Variants in EYS observed in about 807,000 individuals in gnomAD.
The protein encoded by EYS is protein eyes shut homolog.
In EYS, 250 loss-of-function variants were observed where a neutral mutation model predicts 282.1. That is an observed-to-expected ratio of 0.89 (90% confidence interval 0.80 to 0.98). The LOEUF (loss-of-function observed/expected upper bound fraction) is 0.98, where lower values mean the gene tolerates loss of function less well. Ranked by LOEUF, EYS falls within the 50% of genes least tolerant of loss-of-function variation. The pLI is 0.00. For missense variants in EYS, 4,016 were observed against 3,709.0 expected, an observed-to-expected ratio of 1.08 and a Z score of -2.15; for synonymous variants, 1,355 against 1,282.9, an observed-to-expected ratio of 1.06 and a Z score of -1.20.
chr6:64,450,295 C>G (rs1002632998), intron 26 of EYS, among the ~76,000 whole-genome samples: 1 of 152,120 alleles, frequency 6.6e-6, no homozygotes, highest in African/African-American at 2.4e-5. Flanking sequence ...ATCAATTCAA[C>G]AAGAAGAACT....
chr6:63,871,976 A>G (rs565505999), intron 35 of EYS, among the ~76,000 whole-genome samples: 1 of 152,106 alleles, frequency 6.6e-6, no homozygotes, highest in African/African-American at 2.4e-5. Context: ...GACCCACCCA[A>G]CTTTCCAGCT....
intron 26 of EYS, among the ~76,000 whole-genome samples, chr6:64,553,840 G>A (rs140209850): frequency 2.6e-5 from 4 of 151,958 alleles, no homozygotes; most frequent in African/African-American, 7.2e-5. Context: ...TGGCAAAATA[G>A]TATCATTTTC....
chr6:64,945,124 T>TAA lies in EYS; in HGVS notation c.2381+667_2381+668dup, dbSNP rs763133866. Reference sequence around the variant, plus strand: ...CCTGGGCCCACTGTTGTTTCTCTATTAAAAAAAAAAAAAAAAAAAAAGAAT... The same window carrying TAA: ...CCTGGGCCCACTGTTGTTTCTCTATTAAAAAAAAAAAAAAAAAAAAAAAGAAT... On this transcript the variant is annotated intron_variant, in intron 15 of 42. Transcript: ENST00000503581. Among the ~76,000 whole-genome samples the TAA allele has an allele frequency of 8.6e-4, 97 of 112,284 alleles. 1 individual carries two copies. In the East Asian group the frequency reaches 0.021, roughly 24 times the overall value. 73.7% of individuals were successfully genotyped at this position (112,284 alleles called of 152,430 possible).
At chr6:64,481,197 A>T (rs1638936586) in intron 26 of EYS, among the ~76,000 whole-genome samples, 1 of 149,876 alleles carries the variant, frequency 6.7e-6, no homozygotes, top group Non-Finnish European at 1.5e-5. Flanking sequence ...AAAAAATCAT[A>T]TATATGATAT....
At chr6:65,567,856 T>C (rs1764331085) in intron 2 of EYS, among the ~76,000 whole-genome samples, 1 of 152,262 alleles carries the variant, frequency 6.6e-6, no homozygotes, top group East Asian at 1.9e-4. Flanking sequence ...ACTGAACTCA[T>C]AATTGCCTAA....
chr6:65,329,892 T>C (rs748511619), intron 11 of EYS: 3 of 980,516 alleles, frequency 3.1e-6, no homozygotes, highest in Non-Finnish European at 3.6e-6. Context: ...TTATGGACTT[T>C]TAGATTCTAC....
intron 26 of EYS, among the ~76,000 whole-genome samples, chr6:64,448,235 A>G (rs1280677398): frequency 6.6e-6 from 1 of 152,216 alleles, no homozygotes; most frequent in Non-Finnish European, 1.5e-5. Flanking sequence ...TGAAGGTCCT[A>G]TGCCCACGGA....
intron 12 of EYS, among the ~76,000 whole-genome samples, chr6:65,141,765 C>CA (rs112118672): frequency 0.26 from 38,924 of 151,532 alleles, 5,335 homozygotes; most frequent in African/African-American, 0.35. Flanking sequence ...ATCAGAAGTT[C>CA]GGGGGCAAGA....
intron 31 of EYS, among the ~76,000 whole-genome samples, chr6:64,146,353 C>A (rs1381140048): frequency 6.6e-6 from 1 of 152,062 alleles, no homozygotes; most frequent in Non-Finnish European, 1.5e-5. Context: ...TTAATCACTG[C>A]ACAAGAACAC....
chr6:65,429,358 A>G (rs924645423), intron 5 of EYS, among the ~76,000 whole-genome samples: 6 of 152,150 alleles, frequency 3.9e-5, no homozygotes, highest in Non-Finnish European at 7.4e-5. Flanking sequence ...GGATTCTTCC[A>G]CTTGGATATA....
At chr6:64,659,219 G>A (rs548677029) in intron 22 of EYS, among the ~76,000 whole-genome samples, 66 of 152,172 alleles carry the variant, frequency 4.3e-4, no homozygotes, top group Admixed American at 1.4e-3. Flanking sequence ...CAGAATCTCT[G>A]GGACACATTC....
chr6:65,644,242 A>G (rs1490294925), intron 1 of EYS, among the ~76,000 whole-genome samples: 2 of 152,228 alleles, frequency 1.3e-5, no homozygotes, highest in East Asian at 3.9e-4. Flanking sequence ...AACTTATAGA[A>G]AGAAGGATAC....
chr6:64,525,779 C>A (rs1777897925), intron 26 of EYS, among the ~76,000 whole-genome samples: 1 of 151,748 alleles, frequency 6.6e-6, no homozygotes, highest in African/African-American at 2.4e-5. Flanking sequence ...GGCATGTAAA[C>A]AGGTACAGTC....
intron 24 of EYS, among the ~76,000 whole-genome samples, chr6:64,595,406 T>TATTCACCATTGTC (rs1766552642): frequency 6.6e-6 from 1 of 152,190 alleles, no homozygotes. Context: ...TCACCATTGT[T>TATTCACCATTGTC]ATTCACCATT....
intron 2 of EYS, among the ~76,000 whole-genome samples, chr6:65,615,366 A>G (rs960669611): frequency 6.7e-6 from 1 of 148,278 alleles, no homozygotes; most frequent in African/African-American, 2.5e-5. Flanking sequence ...AATATTCAAA[A>G]CCGAGTTCAT....
At chr6:65,026,814 G>T (rs1772426457) in intron 13 of EYS, among the ~76,000 whole-genome samples, 1 of 152,040 alleles carries the variant, frequency 6.6e-6, no homozygotes. Context: ...TTACCTGGGA[G>T]GCTGAGGCAG....
intron 5 of EYS, among the ~76,000 whole-genome samples, chr6:65,471,740 G>A (rs550172061): frequency 7.9e-5 from 12 of 151,892 alleles, no homozygotes; most frequent in African/African-American, 2.7e-4. Context: ...TTGTATTCTT[G>A]TTCACAATAG....
At chr6:64,261,216 T>C (rs1046794467) in intron 30 of EYS, among the ~76,000 whole-genome samples, 2 of 151,988 alleles carry the variant, frequency 1.3e-5, no homozygotes, top group African/African-American at 2.4e-5. Context: ...CTCCAGGACA[T>C]TGGTCTGGGC....
At chr6:64,657,164 C>T (rs1250965883) in intron 22 of EYS, among the ~76,000 whole-genome samples, 2 of 152,204 alleles carry the variant, frequency 1.3e-5, no homozygotes, top group Middle Eastern at 6.8e-3. Flanking sequence ...TTATCAGAGA[C>T]TAGGATTGCA....
Sources: allele counts gnomAD v4.1 joint callset (sites outside exome capture counted in the v4.1 genomes callset), GRCh38; gene constraint gnomAD v4.1.1; transcripts MANE v1.5; gene names NCBI Gene and HGNC (gene_info 2026-07-23, HGNC 2026-07-21).